TAFA5: variants seen among roughly 807,000 people sequenced by gnomAD.
TAFA5 encodes the protein chemokine-like protein TAFA-5.
Under a neutral mutation model 15.3 loss-of-function variants are expected in TAFA5, and 6 were observed. The ratio of observed to expected loss-of-function variants is 0.39; its 90% CI spans 0.21 to 0.77. The LOEUF is 0.77. Among genes scored for constraint, TAFA5 ranks in the 30% least tolerant of loss-of-function variants. TAFA5 has a pLI of 0.41. For synonymous variants in TAFA5, 103 were observed against 80.7 expected, an observed-to-expected ratio of 1.28 and a Z score of -1.48; for missense variants, 161 against 193.1, an observed-to-expected ratio of 0.83 and a Z score of 0.98.
intron 2 of TAFA5, among the ~76,000 whole-genome samples, chr22:48,698,031 ATGG>A (rs1474935616): frequency 6.7e-6 from 1 of 148,700 alleles, no homozygotes; most frequent in South Asian, 2.2e-4. Context: ...GGTGAAGATA[ATGG>A]TGGCGATGGT....
chr22:48,530,155 G>A lies in TAFA5; in HGVS notation c.112+40451G>A, dbSNP rs75091963. Among the ~76,000 whole-genome samples, 475 of 152,178 alleles carry A rather than the reference G, an allele frequency of 3.1e-3. 2 individuals are homozygous for A. The highest frequency in any genetic ancestry group is 0.011 in the African/African-American group (441 of 41,524). ...CTGTACCACCTGCTCTGTCTCCATG[G>A]CGACTCGAGGAGGAGGAGGCTGGGC... On this transcript the variant is annotated intron_variant, in intron 1 of 3. Coordinates refer to ENST00000402357, the MANE Select transcript of TAFA5 (RefSeq NM_001082967.3). This position sits in a 1 kb window ranked among gnomAD's most constrained non-coding sequence, Gnocchi z 6.0.
intron 1 of TAFA5, among the ~76,000 whole-genome samples, chr22:48,599,213 A>C (rs987479396): frequency 6.6e-6 from 1 of 151,906 alleles, no homozygotes; most frequent in East Asian, 1.9e-4. Flanking sequence ...GGAGTTGGGG[A>C]TGATAAGGCA....
At chr22:48,699,545 C>T (rs1347916418) in intron 2 of TAFA5, among the ~76,000 whole-genome samples, 1 of 152,110 alleles carries the variant, frequency 6.6e-6, no homozygotes, top group Non-Finnish European at 1.5e-5. Flanking sequence ...GTTCAGTGAG[C>T]TCTGCTCTTA....
At chr22:48,744,616 G>C (rs1278974333) in intron 3 of TAFA5, among the ~76,000 whole-genome samples, 2 of 152,220 alleles carry the variant, frequency 1.3e-5, no homozygotes, top group Admixed American at 1.3e-4. Flanking sequence ...CTCCTCGTTA[G>C]AGAGCGGTGC....
chr22:48,653,525 G>A (rs1927130570), intron 2 of TAFA5, among the ~76,000 whole-genome samples: 2 of 152,216 alleles, frequency 1.3e-5, no homozygotes, highest in Non-Finnish European at 1.5e-5. Flanking sequence ...CCATGGCTGT[G>A]GCGTGAGGGT....
intron 1 of TAFA5, among the ~76,000 whole-genome samples, chr22:48,567,747 T>A (rs1470281763): frequency 6.6e-6 from 1 of 152,082 alleles, no homozygotes. Context: ...CTGGGTACCC[T>A]GGGCTGTGGA....
chr22:48,599,308 C>T (rs1488748190), intron 1 of TAFA5, among the ~76,000 whole-genome samples: 1 of 152,214 alleles, frequency 6.6e-6, no homozygotes, highest in Non-Finnish European at 1.5e-5. Context: ...GGCCTTCAGT[C>T]CGCTCCGTAA....
At chr22:48,734,228 G>A (rs1929946089) in intron 3 of TAFA5, among the ~76,000 whole-genome samples, 1 of 151,436 alleles carries the variant, frequency 6.6e-6, no homozygotes, top group Admixed American at 6.6e-5. Context: ...AAAATGTAAA[G>A]ACTTCCCGTG....
At chr22:48,647,158 T>A (rs924212618) in intron 2 of TAFA5, among the ~76,000 whole-genome samples, 2 of 152,126 alleles carry the variant, frequency 1.3e-5, no homozygotes, top group African/African-American at 4.8e-5. Flanking sequence ...CCTGGCTCCT[T>A]GTCTCTGGGT....
At chr22:48,618,678 G>A (rs1032428647) in intron 1 of TAFA5, among the ~76,000 whole-genome samples, 5 of 152,198 alleles carry the variant, frequency 3.3e-5, no homozygotes, top group African/African-American at 9.6e-5. Context: ...TGTGCACAGC[G>A]GGCCCTTGCT....
At chr22:48,719,719 C>T (rs1482280152) in intron 3 of TAFA5, among the ~76,000 whole-genome samples, 1 of 152,254 alleles carries the variant, frequency 6.6e-6, no homozygotes, top group Non-Finnish European at 1.5e-5. Flanking sequence ...ATGAAAAATA[C>T]TAAGTCATTA....
chr22:48,492,769 A>G (rs1347916357), intron 1 of TAFA5, among the ~76,000 whole-genome samples: 1 of 152,154 alleles, frequency 6.6e-6, no homozygotes, highest in Non-Finnish European at 1.5e-5. Context: ...GGTGCTGCCC[A>G]TGAGGGTTGT....
At chr22:48,621,686 C>T (rs1182563859) in intron 1 of TAFA5, among the ~76,000 whole-genome samples, 4 of 152,182 alleles carry the variant, frequency 2.6e-5, no homozygotes, top group East Asian at 1.9e-4. Context: ...CCCGTGGCCT[C>T]GGGGTCTTGC....
intron 2 of TAFA5, among the ~76,000 whole-genome samples, chr22:48,663,961 C>T (rs1927529671): frequency 6.6e-6 from 1 of 152,156 alleles, no homozygotes; most frequent in Non-Finnish European, 1.5e-5. Flanking sequence ...GATGAGAATT[C>T]TCAACTTCAT....
intron 1 of TAFA5, among the ~76,000 whole-genome samples, chr22:48,645,399 T>TA (rs1437799237): frequency 6.6e-6 from 1 of 152,200 alleles, no homozygotes; most frequent in African/African-American, 2.4e-5. Flanking sequence ...ACTTCCTGGC[T>TA]GTTCATCTTC....
chr22:48,667,415 T>C (rs982851650), intron 2 of TAFA5, among the ~76,000 whole-genome samples: 2 of 152,158 alleles, frequency 1.3e-5, no homozygotes, highest in Non-Finnish European at 2.9e-5. Flanking sequence ...AAAATTCCAT[T>C]TCCTGAAATA....
At chr22:48,745,708 C>A (rs546171467) in intron 3 of TAFA5, among the ~76,000 whole-genome samples, 1 of 152,352 alleles carries the variant, frequency 6.6e-6, no homozygotes, top group East Asian at 1.9e-4. Context: ...TCAGATGCCT[C>A]TTCTGTCCAC....
At position 48,674,645 on chromosome 22, in the gene TAFA5, C is replaced by T. The variant is rs77027225; in HGVS notation, c.262+27899C>T. ...AGTGACTGCCTGTCCCGGAACAACA[C>T]GTCACAAAGGCAGGGACAGTGGGAG... On this transcript the variant is annotated intron_variant, in intron 2 of 3. Coordinates refer to ENST00000402357, the MANE Select transcript of TAFA5 (RefSeq NM_001082967.3). Among the ~76,000 whole-genome samples, 37 of 152,020 alleles carry T rather than the reference C, an allele frequency of 2.4e-4. No individual in the cohort carries two copies. The East Asian group carries it at 5.7e-3, about 23-fold the overall frequency.
rs79084238 is a variant in TAFA5 at position 48,578,670 on chromosome 22, A to G, written c.113-67927A>G. Among the ~76,000 whole-genome samples, 251 of 152,364 alleles carry G rather than the reference A, an allele frequency of 1.6e-3. 1 individual carries two copies. The highest frequency in any genetic ancestry group is 5.8e-3 in the African/African-American group (242 of 41,584). The stretch of plus-strand genomic sequence containing the variant: ...GGTCCCAGTGTTTGCGCAGCCCTCC[A>G]GGACTCCTGAAGTCCTGTCTCCCTG... On this transcript the variant is annotated intron_variant, in intron 1 of 3. Transcript: ENST00000402357.
Sources: gnomAD v4.1 joint callset for allele counts (sites outside exome capture counted in the v4.1 genomes callset) on GRCh38, gnomAD v4.1.1 for gene constraint, Gnocchi (gnomAD v3.1) non-coding constraint, MANE v1.5 for transcripts, NCBI Gene and HGNC (gene_info 2026-07-23, HGNC 2026-07-21) for gene names.